The following KLHL29 variants were observed in gnomAD, a reference collection of about 807,000 sequenced individuals.
KLHL29 encodes kelch-like protein 29.
KLHL29 carries 21 observed loss-of-function variants against 80.4 expected under a neutral mutation model. That is an observed-to-expected ratio of 0.26 (90% CI 0.19 to 0.38). The LOEUF (loss-of-function observed/expected upper bound fraction) is 0.38, where lower values mean the gene tolerates loss of function less well. Ranked by LOEUF, KLHL29 falls within the 10% of genes least tolerant of loss-of-function variation. The pLI is 1.00. For synonymous variants in KLHL29, 511 were observed against 526.8 expected (o/e 0.97, Z 0.41); for missense variants, 867 against 1,223.9 (o/e 0.71, Z 4.35).
chr2:23,695,282 G>A lies in KLHL29; in HGVS notation c.1543-341G>A, dbSNP rs146088454. ...CGCGTCTTCCTCATTTTAACCCCTC[G>A]CCCCTGCCCCCAGTGGCCTGATCTG... is the stretch of plus-strand genomic sequence containing the variant. On this transcript the variant is annotated intron_variant, in intron 8 of 13. Transcript: ENST00000486442. The surrounding 1 kb of genome is among the most constrained non-coding windows in gnomAD (Gnocchi z 7.6). Among the ~76,000 whole-genome samples, 210 of 152,072 alleles carry A rather than the reference G, an allele frequency of 1.4e-3. 2 individuals carry two copies. The highest frequency in any genetic ancestry group is 4.9e-3 in the African/African-American group (204 of 41,470).
chr2:23,507,122 G>A (rs1449861385), intron 2 of KLHL29: 1 of 451,068 alleles, frequency 2.2e-6, no homozygotes, highest in Admixed American at 2.4e-5. Flanking sequence ...CTGCCTGGGT[G>A]GACCTGCACG....
chr2:23,497,742 G>A (rs1203610077), intron 2 of KLHL29, among the ~76,000 whole-genome samples: 1 of 152,192 alleles, frequency 6.6e-6, no homozygotes, highest in African/African-American at 2.4e-5. Context: ...AAGAGAGAGG[G>A]TGGCCTGAGG....
chr2:23,582,166 A>G (rs1354071305), intron 3 of KLHL29, among the ~76,000 whole-genome samples: 2 of 152,222 alleles, frequency 1.3e-5, no homozygotes, highest in African/African-American at 2.4e-5. Flanking sequence ...CACAAAATGA[A>G]GAAGAAAAAT....
intron 1 of KLHL29, among the ~76,000 whole-genome samples, chr2:23,453,984 C>T (rs530411361): frequency 1.3e-5 from 2 of 152,304 alleles, no homozygotes; most frequent in South Asian, 2.1e-4. Flanking sequence ...GTGAGCCTTA[C>T]ACCCGGGACC....
intron 1 of KLHL29, among the ~76,000 whole-genome samples, chr2:23,445,336 C>T (rs978505905): frequency 3.3e-5 from 5 of 152,104 alleles, no homozygotes; most frequent in Admixed American, 6.6e-5. Context: ...ATTCTTATTT[C>T]TCCTTCTTTC....
chr2:23,480,959 T>C (rs1664782138), intron 2 of KLHL29, among the ~76,000 whole-genome samples: 1 of 152,176 alleles, frequency 6.6e-6, no homozygotes, highest in South Asian at 2.1e-4. Flanking sequence ...ACCACAGACA[T>C]ATTCTTCTCC....
At chr2:23,419,738 G>T (rs377413370) in intron 1 of KLHL29, among the ~76,000 whole-genome samples, 2 of 152,158 alleles carry the variant, frequency 1.3e-5, no homozygotes, top group Non-Finnish European at 2.9e-5. Flanking sequence ...GTGGGGCTGG[G>T]GTCTGAGGGC....
chr2:23,400,671 C>CAA (rs201256693), intron 1 of KLHL29, among the ~76,000 whole-genome samples: 8 of 140,738 alleles, frequency 5.7e-5, no homozygotes, highest in South Asian at 2.3e-4. Context: ...CCCATCTCTA[C>CAA]AAAAAAAAAA....
intron 1 of KLHL29, among the ~76,000 whole-genome samples, chr2:23,423,282 G>A (rs770433266): frequency 1.1e-4 from 17 of 152,316 alleles, no homozygotes; most frequent in South Asian, 1.0e-3. Flanking sequence ...CACCAGAGGC[G>A]TCTGCTGCGT....
At chr2:23,519,593 C>G (rs983347655) in intron 2 of KLHL29, among the ~76,000 whole-genome samples, 1 of 152,154 alleles carries the variant, frequency 6.6e-6, no homozygotes, top group Non-Finnish European at 1.5e-5. Context: ...AAATCTGAGA[C>G]AGGTCTCGGT....
intron 3 of KLHL29, among the ~76,000 whole-genome samples, chr2:23,632,429 G>A (rs1311668340): frequency 6.6e-6 from 1 of 152,264 alleles, no homozygotes; most frequent in East Asian, 1.9e-4. Flanking sequence ...CCAAAAGCTG[G>A]ATGCCATCAT....
chr2:23,499,732 A>G (rs961519548), intron 2 of KLHL29, among the ~76,000 whole-genome samples: 2 of 152,226 alleles, frequency 1.3e-5, no homozygotes, highest in African/African-American at 4.8e-5. Flanking sequence ...AGAGTCTGCC[A>G]GACCCCAGGG....
chr2:23,474,759 A>T (rs1273475167), intron 1 of KLHL29, among the ~76,000 whole-genome samples: 1 of 152,156 alleles, frequency 6.6e-6, no homozygotes, highest in African/African-American at 2.4e-5. Context: ...ATCACATTAA[A>T]GCTTTCCCCT....
chr2:23,437,638 C>A (rs1663380906), intron 1 of KLHL29, among the ~76,000 whole-genome samples: 1 of 152,202 alleles, frequency 6.6e-6, no homozygotes, highest in Non-Finnish European at 1.5e-5. Context: ...GTGCAAAAAT[C>A]CACATTAAAA....
At chr2:23,500,748 T>C (rs1355844034) in intron 2 of KLHL29, among the ~76,000 whole-genome samples, 1 of 152,066 alleles carries the variant, frequency 6.6e-6, no homozygotes, top group African/African-American at 2.4e-5. Context: ...AAGAAAAGAG[T>C]TTTAAAAACC....
intron 3 of KLHL29, among the ~76,000 whole-genome samples, chr2:23,581,340 A>C (rs1667975679): frequency 6.6e-6 from 1 of 152,192 alleles, no homozygotes; most frequent in Non-Finnish European, 1.5e-5. Context: ...TTCATTCAAC[A>C]AATACTCATG....
At chr2:23,407,896 T>C (rs1666770472) in intron 1 of KLHL29, among the ~76,000 whole-genome samples, 1 of 152,036 alleles carries the variant, frequency 6.6e-6, no homozygotes, top group Non-Finnish European at 1.5e-5. Context: ...ATTAAATTCT[T>C]TGTTGGGTTT....
intron 6 of KLHL29, 69 bp from the exon 7 acceptor site, chr2:23,691,605 T>A (rs1671608600): frequency 1.5e-6 from 2 of 1,346,398 alleles, no homozygotes; most frequent in African/African-American, 2.9e-5. Context: ...CAGGGAGATC[T>A]AGCCCTGTGA....
chr2:23,459,285 A>G (rs1664144944), intron 1 of KLHL29, among the ~76,000 whole-genome samples: 1 of 152,216 alleles, frequency 6.6e-6, no homozygotes, highest in Non-Finnish European at 1.5e-5. Flanking sequence ...GAAACATCAC[A>G]TTAAAGGTGT....
Sources: allele counts gnomAD v4.1 joint callset (sites outside exome capture counted in the v4.1 genomes callset), GRCh38; gene constraint gnomAD v4.1.1; non-coding constraint Gnocchi (gnomAD v3.1); transcripts MANE v1.5; gene names NCBI Gene and HGNC (gene_info 2026-07-23, HGNC 2026-07-21).